MED12L: variants seen among roughly 807,000 people sequenced by gnomAD.
MED12L encodes mediator of RNA polymerase II transcription subunit 12-like protein.
In MED12L, 60 loss-of-function variants were observed where a neutral mutation model predicts 281.3. The ratio of observed to expected loss-of-function variants is 0.21; its 90% CI spans 0.17 to 0.26. The LOEUF (loss-of-function observed/expected upper bound fraction) is 0.26. MED12L is among the 10% of genes least tolerant of loss of function. The probability of loss-of-function intolerance (pLI) is 1.00; values close to 1 mark genes in which losing one functional copy is unlikely to be tolerated. For synonymous variants in MED12L, 974 were observed against 987.2 expected, an observed-to-expected ratio of 0.99 and a Z score of 0.25; for missense variants, 2,146 against 2,680.9, an observed-to-expected ratio of 0.80 and a Z score of 4.41.
chr3:151,138,111 ATCT>A (rs1182652617), intron 5 of MED12L, among the ~76,000 whole-genome samples: 5 of 151,990 alleles, frequency 3.3e-5, no homozygotes, highest in Non-Finnish European at 7.4e-5. Flanking sequence ...AAATACTTAT[ATCT>A]TCTTATTTCT....
Position 151,376,228 on chromosome 3 carries a change from A to G in MED12L, c.4053+14A>G, listed in dbSNP as rs748344504. On this transcript the variant is annotated intron_variant, in intron 28 of 44. Coordinates refer to ENST00000687756, the MANE Select transcript of MED12L (RefSeq NM_001393769.1). Reference sequence around the variant, plus strand: ...CGTATTCTTCAGGTCAGTCGTATACAGATTGTGTTTCTGTCATTTGATAAA... The same window carrying G: ...CGTATTCTTCAGGTCAGTCGTATACGGATTGTGTTTCTGTCATTTGATAAA... The G allele has an allele frequency of 7.1e-7, 1 of 1,398,738 alleles. No individual in the cohort carries two copies. Among genetic ancestry groups the G allele is most frequent in the Non-Finnish European group, 9.4e-7 (1 of 1,067,808 alleles). The allele number at this position is 1,398,738 out of a possible 1,614,324, so 86.6% of individuals were successfully genotyped here. A position where few individuals can be genotyped will look rare whatever the true frequency, so the allele number is the denominator to read the frequency against.
intron 16 of MED12L, among the ~76,000 whole-genome samples, chr3:151,203,639 G>A (rs1468225512): frequency 3.3e-5 from 5 of 151,678 alleles, no homozygotes; most frequent in African/African-American, 7.3e-5. Context: ...TAAACAAAAA[G>A]ATGTGTTTTA....
chr3:151,161,200 A>G (rs1036169213), intron 8 of MED12L, among the ~76,000 whole-genome samples: 5 of 152,344 alleles, frequency 3.3e-5, no homozygotes, highest in African/African-American at 1.2e-4. Flanking sequence ...CTTGCAAGGC[A>G]AAGAAATCAG....
At chr3:151,315,864 TTAAAA>T (rs909009191) in intron 16 of MED12L, among the ~76,000 whole-genome samples, 8 of 152,106 alleles carry the variant, frequency 5.3e-5, no homozygotes, top group South Asian at 2.1e-4. Flanking sequence ...CAGATAAATC[TTAAAA>T]TAAGAAATCA....
Position 151,376,209 on chromosome 3 carries a change from C to T in MED12L, c.4048C>T (p.Leu1350Phe), listed in dbSNP as rs758340620. ...NLQRQHIKRILQNLEQWTLRQ... is the reference protein window; with the variant it reads ...NLQRQHIKRIFQNLEQWTLRQ... ...GCAAAGACAGCACATTAAGCGTATT[C>T]TTCAGGTCAGTCGTATACAGATTGT... Residue 1350 changes from leucine (L) to phenylalanine (F), a missense_variant, in exon 28 of 45, where the codon CTT (leucine) becomes TTT (phenylalanine). Transcript: ENST00000687756. The T allele has an allele frequency of 1.3e-6, 2 of 1,577,636 alleles. No homozygotes were observed. Among genetic ancestry groups the T allele is most frequent in the South Asian group, 1.2e-5 (1 of 84,844 alleles).
chr3:151,421,758 A>G (rs1172011290), intron 43 of MED12L, among the ~76,000 whole-genome samples: 2 of 152,098 alleles, frequency 1.3e-5, no homozygotes, highest in Non-Finnish European at 2.9e-5. Context: ...CTTTTTCTTA[A>G]TAGTTCCACT....
chr3:151,233,184 G>A (rs923888290), intron 16 of MED12L, among the ~76,000 whole-genome samples: 1 of 152,072 alleles, frequency 6.6e-6, no homozygotes, highest in East Asian at 1.9e-4. Flanking sequence ...GGATGTTGAC[G>A]AGCCCGGCTG....
At chr3:151,329,092 T>C (rs563195353) in intron 16 of MED12L, 4 of 956,962 alleles carry the variant, frequency 4.2e-6, no homozygotes, top group East Asian at 2.5e-5. Flanking sequence ...AAACAGACTT[T>C]ATGTTTATAG....
At chr3:151,087,883 CTTTTTTTTG>C (rs1464761697) in intron 2 of MED12L, among the ~76,000 whole-genome samples, 2 of 149,740 alleles carry the variant, frequency 1.3e-5, no homozygotes, top group Non-Finnish European at 2.9e-5. Flanking sequence ...AGGGACTTGC[CTTTTTTTTG>C]TTTTTTTTTT....
intron 5 of MED12L, among the ~76,000 whole-genome samples, chr3:151,132,912 A>G (rs1217462394): frequency 6.6e-6 from 1 of 152,168 alleles, no homozygotes; most frequent in Non-Finnish European, 1.5e-5. Context: ...CAAGTTTCAC[A>G]CTCCTAGCAA....
Position 151,360,571 on chromosome 3 carries a change from A to G in MED12L, c.2923A>G (p.Ser975Gly). Reference sequence around the variant, plus strand: ...CCTCTATGATCTCTATGTGTCATGTAGCCACCTCAGAAGTAAATTTGGAGA... The same window carrying G: ...CCTCTATGATCTCTATGTGTCATGTGGCCACCTCAGAAGTAAATTTGGAGA... ...AYLYDLYVSC[S>G]HLRSKFGDLF... The change falls in exon 21 of 45, where the codon AGC (serine) becomes GGC (glycine). Residue 975 changes from serine to glycine, a missense_variant. Around this residue, in one of 9 missense-constraint regions of MED12L, gnomAD observed 404 missense variants for 603.5 expected, o/e 0.67. Coordinates refer to ENST00000687756, the MANE Select transcript of MED12L (RefSeq NM_001393769.1). The G allele has an allele frequency of 1.2e-6, 2 of 1,612,748 alleles. No homozygotes were observed. Among genetic ancestry groups the G allele is most frequent in the Non-Finnish European group, 1.7e-6 (2 of 1,179,070 alleles).
rs886178605 is a variant in MED12L, at chr3:151,329,098, T to C, written c.2251-20961T>C. ...ATTTTTTAAAAACAGACTTTATGTT[T>C]ATAGCATATTAACATCCTGCATTTA... On this transcript the variant is annotated intron_variant, in intron 16 of 44. Coordinates refer to ENST00000687756, the MANE Select transcript of MED12L (RefSeq NM_001393769.1). 5.8e-6 allele frequency: 5 copies of C among 867,152 alleles called. No homozygotes were observed. The African/African-American group carries it at 8.5e-5, about 15-fold the overall frequency. 53.7% of individuals were successfully genotyped at this position (867,152 alleles called of 1,614,324 possible). A position where few individuals can be genotyped will look rare whatever the true frequency, so the allele number is the denominator to read the frequency against.
intron 16 of MED12L, among the ~76,000 whole-genome samples, chr3:151,345,291 A>C (rs891543730): frequency 6.6e-6 from 1 of 152,174 alleles, no homozygotes; most frequent in Non-Finnish European, 1.5e-5. Flanking sequence ...TTGTCCAACA[A>C]CTGTATCCTT....
chr3:151,136,341 G>C, intron 5 of MED12L, among the ~76,000 whole-genome samples: 1 of 152,192 alleles, frequency 6.6e-6, no homozygotes, highest in East Asian at 1.9e-4. Context: ...TGATTCCAGG[G>C]ACAAGCGTTT....
At chr3:151,253,007 A>G (rs1295203452) in intron 16 of MED12L, among the ~76,000 whole-genome samples, 1 of 152,214 alleles carries the variant, frequency 6.6e-6, no homozygotes, top group Non-Finnish European at 1.5e-5. Flanking sequence ...TAAAATAAAT[A>G]TTACATGTCG....
At chr3:151,263,252 C>T (rs1034995616) in intron 16 of MED12L, among the ~76,000 whole-genome samples, 1 of 152,206 alleles carries the variant, frequency 6.6e-6, no homozygotes, top group Admixed American at 6.5e-5. Flanking sequence ...AGTCCTTTGT[C>T]ATCAGCACGT....
rs758204645 is a variant in MED12L at position 151,087,069 on chromosome 3, G to T, written c.99+44G>T. 3.3e-6 allele frequency: 5 copies of T among 1,507,960 alleles called. No individual in the cohort carries two copies. In the East Asian group the frequency reaches 1.2e-4, roughly 36 times the overall value. 93.4% of individuals were successfully genotyped at this position (1,507,960 alleles called of 1,614,324 possible). On this transcript the variant is annotated intron_variant, in intron 2 of 44. Transcript: ENST00000687756. The stretch of plus-strand genomic sequence containing the variant: ...TCCCCGGCAACCGGGGCCGCGCTCT[G>T]CAGCACTGACCCGGGGCCAAGTTGG...
At chr3:151,326,611 G>C (rs1035477523) in intron 16 of MED12L, 1 of 152,146 alleles carries the variant, frequency 6.6e-6, no homozygotes, top group Admixed American at 6.5e-5. Flanking sequence ...CCAAAACAGA[G>C]TATGGCATTT....
intron 16 of MED12L, among the ~76,000 whole-genome samples, chr3:151,222,368 G>A (rs1022970300): frequency 2.6e-5 from 4 of 152,220 alleles, no homozygotes; most frequent in African/African-American, 9.6e-5. Flanking sequence ...GGAGCGGTCA[G>A]AGGTGGAATG....
Sources: gnomAD v4.1 joint callset for allele counts (sites outside exome capture counted in the v4.1 genomes callset) on GRCh38, gnomAD v4.1.1 for gene constraint, gnomAD v4.1.1 regional missense constraint, MANE v1.5 for transcripts, NCBI Gene and HGNC (gene_info 2026-07-23, HGNC 2026-07-21) for gene names.